PTPRD: variants seen among roughly 807,000 people sequenced by gnomAD.
The protein encoded by PTPRD is receptor-type tyrosine-protein phosphatase delta.
PTPRD carries 34 observed loss-of-function variants against 214.5 expected under a neutral mutation model. The ratio of observed to expected loss-of-function variants is 0.16; its 90% CI spans 0.12 to 0.21. The LOEUF is 0.21. Among genes scored for constraint, PTPRD ranks in the 10% least tolerant of loss-of-function variants. The pLI, the probability that PTPRD is intolerant of heterozygous loss-of-function variation, is 1.00. For synonymous variants in PTPRD, 1,128 were observed against 845.7 expected, an observed-to-expected ratio of 1.33 and a Z score of -5.79; for missense variants, 2,545 against 2,398.7, an observed-to-expected ratio of 1.06 and a Z score of -1.27.
intron 12 of PTPRD, among the ~76,000 whole-genome samples, chr9:8,690,352 G>C (rs1232719716): frequency 1.3e-5 from 2 of 151,412 alleles, no homozygotes; most frequent in Admixed American, 1.3e-4. Flanking sequence ...GCAGTGAAAA[G>C]CTGTCTCTAC....
intron 3 of PTPRD, among the ~76,000 whole-genome samples, chr9:10,173,182 G>A (rs552384609): frequency 1.1e-4 from 17 of 152,230 alleles, no homozygotes; most frequent in African/African-American, 3.6e-4. Context: ...GTGAAGGGGG[G>A]ATTTATTTTG....
At chr9:9,036,953 T>A (rs2154380694) in intron 10 of PTPRD, among the ~76,000 whole-genome samples, 1 of 152,272 alleles carries the variant, frequency 6.6e-6, no homozygotes, top group Non-Finnish European at 1.5e-5. Context: ...CAACTCTCCT[T>A]AAAAATGAAA....
chr9:9,725,795 C>T (rs1170773033), intron 7 of PTPRD, among the ~76,000 whole-genome samples: 1 of 152,128 alleles, frequency 6.6e-6, no homozygotes, highest in East Asian at 1.9e-4. Context: ...CTTTGGGGAA[C>T]TGTAGGACAT....
At chr9:9,208,237 A>G (rs1448146842) in intron 9 of PTPRD, among the ~76,000 whole-genome samples, 1 of 151,276 alleles carries the variant, frequency 6.6e-6, no homozygotes, top group Non-Finnish European at 1.5e-5. Flanking sequence ...GATGGTCTCG[A>G]TCTCCTGACC....
chr9:9,944,595 C>T (rs1670298004), intron 4 of PTPRD, among the ~76,000 whole-genome samples: 1 of 151,940 alleles, frequency 6.6e-6, no homozygotes, highest in Admixed American at 6.6e-5. Context: ...GGGAGTCAGG[C>T]ATGTGTATAA....
At chr9:8,917,986 C>G (rs1445914477) in intron 11 of PTPRD, among the ~76,000 whole-genome samples, 2 of 152,128 alleles carry the variant, frequency 1.3e-5, no homozygotes, top group African/African-American at 2.4e-5. Context: ...TTTTAACAAG[C>G]AAGAGACATT....
rs528172901 is a variant in PTPRD, at chr9:9,358,559, A to C, written c.-203+38890T>G. Among the ~76,000 whole-genome samples the C allele has an allele frequency of 2.0e-5, 3 of 151,416 alleles. No individual in the cohort carries two copies. In the South Asian group the frequency reaches 6.2e-4, roughly 31 times the overall value. On this transcript the variant is annotated intron_variant, in intron 9 of 45. Coordinates refer to ENST00000381196, the MANE Select transcript of PTPRD (RefSeq NM_002839.4). The stretch of plus-strand genomic sequence containing the variant: ...TTTTTGCCTTTACAGAGAATCAATT[A>C]AGTTGCAATCCTGAGTATGTACTTG...
chr9:10,155,450 G>A (rs1365264475), intron 3 of PTPRD, among the ~76,000 whole-genome samples: 1 of 152,012 alleles, frequency 6.6e-6, no homozygotes, highest in South Asian at 2.1e-4. Flanking sequence ...TCTTTCTCTT[G>A]CCTGTTTGTT....
At chr9:10,488,058 G>A (rs1409710400) in intron 2 of PTPRD, among the ~76,000 whole-genome samples, 1 of 147,378 alleles carries the variant, frequency 6.8e-6, no homozygotes, top group East Asian at 2.0e-4. Flanking sequence ...CAACCCTGTG[G>A]CCACCATGAC....
chr9:9,995,308 G>A (rs1287805381), intron 4 of PTPRD, among the ~76,000 whole-genome samples: 2 of 152,050 alleles, frequency 1.3e-5, no homozygotes, highest in Non-Finnish European at 2.9e-5. Context: ...TGCAGATGGT[G>A]AAACTAAAAA....
intron 9 of PTPRD, among the ~76,000 whole-genome samples, chr9:9,375,570 T>G (rs187920705): frequency 3.0e-4 from 45 of 152,230 alleles, no homozygotes; most frequent in African/African-American, 1.0e-3. Flanking sequence ...CACTCTAGCC[T>G]GGGCAACAGG....
At position 8,496,374 on chromosome 9, in the gene PTPRD, G is replaced by T. The variant is rs556483633; in HGVS notation, c.2349+868C>A. Among the ~76,000 whole-genome samples, 127 of 152,266 alleles carry T rather than the reference G, an allele frequency of 8.3e-4. 1 individual carries two copies. Among genetic ancestry groups the T allele is most frequent in the Middle Eastern group, 6.8e-3 (2 of 294 alleles). On this transcript the variant is annotated intron_variant, in intron 26 of 45. Transcript: ENST00000381196. Reference sequence around the variant, plus strand: ...ATTTACTAATGCATGGTCCACTGCTGTAGGCCATATATTTTGCTGCGTTCT... The same window carrying T: ...ATTTACTAATGCATGGTCCACTGCTTTAGGCCATATATTTTGCTGCGTTCT...
intron 6 of PTPRD, among the ~76,000 whole-genome samples, chr9:9,747,585 C>A (rs1479009933): frequency 6.9e-6 from 1 of 144,102 alleles, no homozygotes; most frequent in Admixed American, 7.0e-5. Flanking sequence ...TCACTCTTTT[C>A]GCCCAGGCTG....
intron 11 of PTPRD, among the ~76,000 whole-genome samples, chr9:8,819,835 A>G (rs2097010909): frequency 6.6e-6 from 1 of 152,182 alleles, no homozygotes; most frequent in African/African-American, 2.4e-5. Context: ...CTGACATACA[A>G]TCAGAGAGCA....
chr9:9,951,229 T>C (rs980023706), intron 4 of PTPRD, among the ~76,000 whole-genome samples: 3 of 152,158 alleles, frequency 2.0e-5, no homozygotes, highest in African/African-American at 7.2e-5. Flanking sequence ...AAAAAAGTGA[T>C]AAGTCTTGGG....
intron 2 of PTPRD, among the ~76,000 whole-genome samples, chr9:10,443,565 G>A (rs1166054170): frequency 6.6e-6 from 1 of 151,618 alleles, no homozygotes; most frequent in Non-Finnish European, 1.5e-5. Flanking sequence ...CATTACTTCA[G>A]TAGATATCCA....
At chr9:10,226,320 C>T (rs1031358523) in intron 3 of PTPRD, among the ~76,000 whole-genome samples, 1 of 152,064 alleles carries the variant, frequency 6.6e-6, no homozygotes, top group Non-Finnish European at 1.5e-5. Flanking sequence ...CATGTCCATG[C>T]CTCCTTGCCC....
chr9:9,483,466 G>C (rs1454576171), intron 8 of PTPRD, among the ~76,000 whole-genome samples: 1 of 152,114 alleles, frequency 6.6e-6, no homozygotes, highest in African/African-American at 2.4e-5. Flanking sequence ...GTGAGGAAAA[G>C]CATGCATAAA....
At chr9:9,446,400 AT>A (rs2144855970) in intron 8 of PTPRD, among the ~76,000 whole-genome samples, 1 of 152,278 alleles carries the variant, frequency 6.6e-6, no homozygotes, top group Non-Finnish European at 1.5e-5. Context: ...AGGGAAGAAA[AT>A]CCCACTGTAA....
Sources: allele counts gnomAD v4.1 joint callset (sites outside exome capture counted in the v4.1 genomes callset), GRCh38; gene constraint gnomAD v4.1.1; transcripts MANE v1.5; gene names NCBI Gene and HGNC (gene_info 2026-07-23, HGNC 2026-07-21).